NALF1: variants seen among roughly 807,000 people sequenced by gnomAD.
NALF1 encodes family with sequence similarity 155 member A.
NALF1 carries 3 observed loss-of-function variants against 48.4 expected under a neutral mutation model. The observed-to-expected ratio is 0.06, with a 90% CI of 0.03 to 0.16. The LOEUF is 0.16. Ranked by LOEUF, NALF1 falls within the 10% of genes least tolerant of loss-of-function variation. The pLI, the probability that NALF1 is intolerant of heterozygous loss-of-function variation, is 1.00. For synonymous variants in NALF1, 262 were observed against 245.7 expected (o/e 1.07, Z -0.62); for missense variants, 526 against 571.5 (o/e 0.92, Z 0.81).
At chr13:107,827,612 C>T (rs1241526567) in intron 1 of NALF1, among the ~76,000 whole-genome samples, 3 of 152,184 alleles carry the variant, frequency 2.0e-5, no homozygotes, top group Non-Finnish European at 4.4e-5. Flanking sequence ...AGATCAATTT[C>T]GTTCCGTCTG....
chr13:107,309,054 T>A (rs1271261535), intron 1 of NALF1, among the ~76,000 whole-genome samples: 1 of 152,254 alleles, frequency 6.6e-6, no homozygotes, highest in Non-Finnish European at 1.5e-5. Flanking sequence ...AATGGCGCTA[T>A]TCCAATAGAA....
At chr13:107,509,819 T>TA (rs1875822033) in intron 1 of NALF1, among the ~76,000 whole-genome samples, 2 of 152,088 alleles carry the variant, frequency 1.3e-5, no homozygotes, top group South Asian at 4.1e-4. Flanking sequence ...TTATTATTAT[T>TA]TTTTGAGTTA....
chr13:107,866,772 C>T lies in NALF1; in HGVS notation c.-176G>A. ...CCCTCTCTCCTCTCTCTCTCTCTCCCTCTCCCTCTCTTTTATCTCTCTCTG... is the reference window on the plus strand; with the variant it reads ...CCCTCTCTCCTCTCTCTCTCTCTCCTTCTCCCTCTCTTTTATCTCTCTCTG... On this transcript the variant is annotated 5_prime_UTR_variant, in exon 1 of 3. Coordinates refer to ENST00000375915, the MANE Select transcript of NALF1 (RefSeq NM_001080396.3). The surrounding 1 kb of genome is among the most constrained non-coding windows in gnomAD (Gnocchi z 4.4). 1 of 601,288 alleles carries T rather than the reference C, an allele frequency of 1.7e-6. No individual in the cohort carries two copies. Among genetic ancestry groups the T allele is most frequent in the Non-Finnish European group, 2.9e-6 (1 of 340,788 alleles). The allele number at this position is 601,288 out of a possible 1,614,324, so 37.2% of individuals were successfully genotyped here. A position where few individuals can be genotyped will look rare whatever the true frequency, so the allele number is the denominator to read the frequency against.
intron 1 of NALF1, among the ~76,000 whole-genome samples, chr13:107,728,157 C>T (rs963173830): frequency 2.0e-5 from 3 of 152,272 alleles, no homozygotes; most frequent in South Asian, 4.1e-4. Context: ...ACCAGAAATA[C>T]CATTTGACCC....
At chr13:107,357,281 G>GC in intron 1 of NALF1, among the ~76,000 whole-genome samples, 1 of 152,232 alleles carries the variant, frequency 6.6e-6, no homozygotes, top group South Asian at 2.1e-4. Context: ...AGAGAAGAGA[G>GC]CAAAGGGGGA....
chr13:107,284,798 G>T (rs1462553406), intron 1 of NALF1, among the ~76,000 whole-genome samples: 1 of 152,164 alleles, frequency 6.6e-6, no homozygotes, highest in Admixed American at 6.5e-5. Context: ...CTGCCTACGT[G>T]CCAGAAGGGG....
intron 1 of NALF1, among the ~76,000 whole-genome samples, chr13:107,747,841 A>G (rs2138549756): frequency 6.6e-6 from 1 of 152,314 alleles, no homozygotes; most frequent in African/African-American, 2.4e-5. Flanking sequence ...ACACATGCAC[A>G]TGCACACGCA....
intron 1 of NALF1, among the ~76,000 whole-genome samples, chr13:107,446,346 G>C (rs922029054): frequency 1.3e-5 from 2 of 151,882 alleles, no homozygotes; most frequent in African/African-American, 4.8e-5. Flanking sequence ...CAACAAGGAA[G>C]AGAAGTAGCA....
At chr13:107,351,602 A>G (rs1244719022) in intron 1 of NALF1, among the ~76,000 whole-genome samples, 1 of 152,230 alleles carries the variant, frequency 6.6e-6, no homozygotes, top group Non-Finnish European at 1.5e-5. Context: ...CTCTGTTTCT[A>G]AGCAGCTTAT....
intron 1 of NALF1, among the ~76,000 whole-genome samples, chr13:107,216,363 T>C (rs1187239207): frequency 1.3e-5 from 2 of 152,222 alleles, no homozygotes; most frequent in Admixed American, 1.3e-4. Flanking sequence ...TGTCAGTGTC[T>C]GGTGAAAGCA....
chr13:107,303,148 T>C (rs1881870173), intron 1 of NALF1, among the ~76,000 whole-genome samples: 1 of 152,210 alleles, frequency 6.6e-6, no homozygotes, highest in Admixed American at 6.5e-5. Flanking sequence ...CTGATCGTTT[T>C]AAGCTTTTTT....
At chr13:107,762,447 A>T (rs975491067) in intron 1 of NALF1, among the ~76,000 whole-genome samples, 1 of 152,168 alleles carries the variant, frequency 6.6e-6, no homozygotes, top group African/African-American at 2.4e-5. Flanking sequence ...TAAATTAAAA[A>T]AAAGGAAGAA....
At chr13:107,346,119 A>G (rs1882767068) in intron 1 of NALF1, among the ~76,000 whole-genome samples, 1 of 151,640 alleles carries the variant, frequency 6.6e-6, no homozygotes, top group Admixed American at 6.6e-5. Flanking sequence ...AAAATAACAC[A>G]CATTGGTGCA....
At chr13:107,245,594 T>A (rs188855529) in intron 1 of NALF1, among the ~76,000 whole-genome samples, 1 of 152,304 alleles carries the variant, frequency 6.6e-6, no homozygotes, top group East Asian at 1.9e-4. Context: ...CTTTTTGCTG[T>A]TTTTCTCCTT....
At chr13:107,377,622 T>A (rs1373135824) in intron 1 of NALF1, among the ~76,000 whole-genome samples, 2 of 151,680 alleles carry the variant, frequency 1.3e-5, no homozygotes, top group South Asian at 2.1e-4. Flanking sequence ...AAAATAAAAA[T>A]AAAAAATAAT....
At position 107,168,961 on chromosome 13, in the gene NALF1, ATTTT is replaced by A. The variant is rs60334773; in HGVS notation, c.*1532_*1535del. 2 of 152,014 alleles carry A rather than the reference ATTTT, an allele frequency of 1.3e-5. No homozygotes were observed. Among genetic ancestry groups the A allele is most frequent in the Non-Finnish European group, 2.9e-5 (2 of 67,920 alleles). The allele number at this position is 152,014 out of a possible 1,614,324, so 9.4% of individuals were successfully genotyped here. On this transcript the variant is annotated 3_prime_UTR_variant, in exon 3 of 3. Transcript: ENST00000375915. Reference sequence around the variant, plus strand: ...GTTAGAGAATAGGAAGGAATGTAAAATTTTTTTTTTAATTATTTGTTTTGTTTGT... The same window carrying A: ...GTTAGAGAATAGGAAGGAATGTAAAATTTTTTAATTATTTGTTTTGTTTGT...
intron 1 of NALF1, among the ~76,000 whole-genome samples, chr13:107,405,472 C>T (rs1883883446): frequency 1.3e-5 from 2 of 152,060 alleles, no homozygotes; most frequent in Admixed American, 1.3e-4. Flanking sequence ...CATGTAGCTG[C>T]AGCACCAGAC....
At chr13:107,657,983 A>G (rs1696599652) in intron 1 of NALF1, among the ~76,000 whole-genome samples, 1 of 152,006 alleles carries the variant, frequency 6.6e-6, no homozygotes, top group East Asian at 1.9e-4. Context: ...TTGAACCAAA[A>G]TTTTCCTGGG....
intron 1 of NALF1, among the ~76,000 whole-genome samples, chr13:107,796,743 A>G (rs1878436144): frequency 1.3e-5 from 2 of 151,938 alleles, no homozygotes; most frequent in South Asian, 2.1e-4. Flanking sequence ...CTTATTCTCC[A>G]TGACGTTATC....
Sources: allele counts gnomAD v4.1 joint callset (sites outside exome capture counted in the v4.1 genomes callset), GRCh38; gene constraint gnomAD v4.1.1; non-coding constraint Gnocchi (gnomAD v3.1); transcripts MANE v1.5; gene names NCBI Gene and HGNC (gene_info 2026-07-23, HGNC 2026-07-21).